The following LIPJ variants were observed in gnomAD, a reference collection of about 807,000 sequenced individuals.
The protein encoded by LIPJ is lipase member J.
LIPJ carries 33 observed loss-of-function variants against 39.8 expected under a neutral mutation model. That is an observed-to-expected ratio of 0.83 (90% CI 0.63 to 1.11). The LOEUF (loss-of-function observed/expected upper bound fraction) is 1.11, where lower values mean the gene tolerates loss of function less well. Ranked by LOEUF, LIPJ falls within the 50% of genes least tolerant of loss-of-function variation. The probability of loss-of-function intolerance (pLI) is 0.00; values close to 1 mark genes in which losing one functional copy is unlikely to be tolerated. For synonymous variants in LIPJ, 128 were observed against 139.2 expected, an observed-to-expected ratio of 0.92 and a Z score of 0.57; for missense variants, 422 against 427.9, an observed-to-expected ratio of 0.99 and a Z score of 0.12.
chr10:88,597,184 G>T (rs1851286188), intron 8 of LIPJ, among the ~76,000 whole-genome samples: 1 of 151,626 alleles, frequency 6.6e-6, no homozygotes, highest in African/African-American at 2.4e-5. Flanking sequence ...CTGATGTGAT[G>T]GGTATCTTTA....
the LIPJ span, among the ~76,000 whole-genome samples, chr10:88,617,016 T>A: frequency 6.6e-6 from 1 of 152,012 alleles, no homozygotes; most frequent in Non-Finnish European, 1.5e-5. Flanking sequence ...GCCCCACCAC[T>A]CTCTTCCCTT....
chr10:88,583,013 C>A (rs1364058089), upstream of LIPJ: 9 of 1,570,118 alleles, frequency 5.7e-6, no homozygotes, highest in Non-Finnish European at 7.8e-6. Flanking sequence ...AGGCCCACAC[C>A]ACCTCAGCAG....
chr10:88,583,381 C>A, upstream of LIPJ: 1 of 1,391,282 alleles, frequency 7.2e-7, no homozygotes, highest in Non-Finnish European at 9.3e-7. Flanking sequence ...AGAGGCCCCT[C>A]CGTCCTTGAG....
At chr10:88,605,765 G>T in intron 10 of LIPJ, 61 bp downstream of exon 10, 1 of 997,176 alleles carries the variant, frequency 1.0e-6, no homozygotes, top group Non-Finnish European at 1.6e-6. Flanking sequence ...CTTTGCTATA[G>T]ATCAAGGATC....
rs181578281 is a variant in LIPJ, at chr10:88,594,588, A to T, written c.330-79A>T. ...CTAGAGTAGAAAATTGCCTTTATTC[A>T]GTTATCTCTTCATTATTTTCAAATA... On this transcript the variant is annotated intron_variant, in intron 5 of 10. Transcript: ENST00000371939. 717 of 647,344 alleles carry T rather than the reference A, an allele frequency of 1.1e-3. 2 individuals are homozygous for T. The highest frequency in any genetic ancestry group is 1.6e-3 in the South Asian group (51 of 31,900). The allele number at this position is 647,344 out of a possible 1,614,324, so 40.1% of individuals were successfully genotyped here. A position where few individuals can be genotyped will look rare whatever the true frequency, so the allele number is the denominator to read the frequency against.
intron 6 of LIPJ, among the ~76,000 whole-genome samples, chr10:88,595,297 C>T (rs537926347): frequency 2.0e-5 from 3 of 151,748 alleles, no homozygotes; most frequent in Admixed American, 6.6e-5. Flanking sequence ...ACTTTACTTT[C>T]GGAAATAAAT....
intron 5 of LIPJ, chr10:88,594,418 T>A (rs1851184696): frequency 2.1e-6 from 1 of 473,616 alleles, no homozygotes; most frequent in African/African-American, 2.0e-5. Context: ...CTATAACTCA[T>A]ATATTTTGTC....
chr10:88,602,284 G>T (rs1465827438), intron 8 of LIPJ, among the ~76,000 whole-genome samples: 2 of 151,866 alleles, frequency 1.3e-5, no homozygotes, highest in Admixed American at 1.3e-4. Flanking sequence ...CTTTCAAAAG[G>T]TGTATGTGTA....
At chr10:88,594,821 T>A in intron 6 of LIPJ, 45 bp downstream of exon 6, 1 of 998,702 alleles carries the variant, frequency 1.0e-6, no homozygotes, top group Non-Finnish European at 1.5e-6. Flanking sequence ...ATTTCTTTTT[T>A]AAGGTTGTGC....
At chr10:88,609,748 A>C (rs572784156), downstream of LIPJ, among the ~76,000 whole-genome samples, 5 of 152,092 alleles carry the variant, frequency 3.3e-5, no homozygotes, top group African/African-American at 1.2e-4. Flanking sequence ...AAAATACAAA[A>C]ATTAGCTGGG....
the LIPJ span, among the ~76,000 whole-genome samples, chr10:88,622,570 G>A: frequency 1.3e-5 from 2 of 152,152 alleles, no homozygotes; most frequent in Non-Finnish European, 2.9e-5. Context: ...GTTCCCAGAT[G>A]ATTCTGACAG....
At chr10:88,583,696 T>C (rs943780808), upstream of LIPJ, 47 of 986,108 alleles carry the variant, frequency 4.8e-5, no homozygotes, top group Non-Finnish European at 5.5e-5. Context: ...ATTAGCATAA[T>C]AGAAACATCT....
chr10:88,594,905 A>G (rs1190504359), intron 6 of LIPJ, 129 bp downstream of exon 6: 2 of 396,928 alleles, frequency 5.0e-6, no homozygotes, highest in African/African-American at 4.2e-5. Context: ...AACATAGTAC[A>G]GCAGAATGCC....
At chr10:88,616,674 CA>C in the LIPJ span, among the ~76,000 whole-genome samples, 1 of 152,226 alleles carries the variant, frequency 6.6e-6, no homozygotes, top group Non-Finnish European at 1.5e-5. Context: ...CGGAGCACTA[CA>C]GCATCCTGAA....
chr10:88,620,547 A>G, the LIPJ span, among the ~76,000 whole-genome samples: 1 of 152,326 alleles, frequency 6.6e-6, no homozygotes, highest in East Asian at 1.9e-4. Flanking sequence ...AGGACTACAC[A>G]AAAGGATGCT....
At chr10:88,619,132 C>T in the LIPJ span, among the ~76,000 whole-genome samples, 2 of 151,354 alleles carry the variant, frequency 1.3e-5, no homozygotes. Flanking sequence ...TGATATAACC[C>T]GGGCAACCCG....
chr10:88,584,245 A>G (rs1056665136), upstream of LIPJ: 1 of 152,316 alleles, frequency 6.6e-6, no homozygotes, highest in Admixed American at 6.5e-5. Context: ...TAATAAAAGA[A>G]CTAGAAGAAA....
At chr10:88,603,998 T>A (rs1290346829) in intron 9 of LIPJ, among the ~76,000 whole-genome samples, 2 of 152,196 alleles carry the variant, frequency 1.3e-5, no homozygotes, top group Non-Finnish European at 1.5e-5. Context: ...GCTACATCAG[T>A]GAACAAAACA....
chr10:88,606,642 T>C, intron 10 of LIPJ, 32 bp from the exon 11 acceptor site: 1 of 1,362,512 alleles, frequency 7.3e-7, no homozygotes, highest in Non-Finnish European at 1.0e-6. Flanking sequence ...TCATCTCCTA[T>C]GAAAACTATT....
Sources: allele counts gnomAD v4.1 joint callset (sites outside exome capture counted in the v4.1 genomes callset), GRCh38; gene constraint gnomAD v4.1.1; transcripts MANE v1.5; gene names NCBI Gene and HGNC (gene_info 2026-07-23, HGNC 2026-07-21).